The following TH variants were observed in gnomAD, a reference collection of about 807,000 sequenced individuals.
TH encodes the protein tyrosine hydroxylase.
A neutral mutation model predicts 57.4 loss-of-function variants in TH; 49 were observed. That is an observed-to-expected ratio of 0.85 (90% CI 0.68 to 1.08). The LOEUF (loss-of-function observed/expected upper bound fraction) is 1.08. Among genes scored for constraint, TH ranks in the 50% least tolerant of loss-of-function variants. TH has a pLI of 0.00. For synonymous variants in TH, 330 were observed against 304.5 expected (o/e 1.08, Z -0.87); for missense variants, 720 against 696.7 (o/e 1.03, Z -0.38).
chr11:2,164,287 C>G lies in TH; in HGVS notation c.1440G>C (p.Glu480Asp). The change falls in exon 13 of 13, where the codon GAG (glutamate) becomes GAC (aspartate). Residue 480 changes from glutamate (E) to aspartate (D), a missense_variant. Transcript: ENST00000352909. ...GGGTGTCCAGCTCATCCTGGACACC[C>G]TCCAGGGAGCGCCGCACGGCCTGGG... ...DSPQAVRRSL[E>D]GVQDELDTLA... The G allele has an allele frequency of 6.6e-7, 1 of 1,510,942 alleles. No homozygotes were observed. The highest frequency in any genetic ancestry group is 8.9e-7 in the Non-Finnish European group (1 of 1,126,500). 93.6% of individuals were successfully genotyped at this position (1,510,942 alleles called of 1,614,324 possible).
Position 2,169,855 on chromosome 11 carries a change from C to G in TH, c.107G>C (p.Gly36Ala), listed in dbSNP as rs1358506695. The change falls in exon 2 of 13, where the codon GGG becomes GCG. Residue 36 changes from glycine to alanine, a missense_variant. Physicochemically the swap from Gly to Ala is moderately conservative, Grantham distance 60 (BLOSUM62 0). Coordinates refer to ENST00000352909, the MANE Select transcript of TH (RefSeq NM_000360.4). ...AEAIMSPRFIGRRQSLIEDAR... is the reference protein window; with the variant it reads ...AEAIMSPRFIARRQSLIEDAR... ...GTCCTCGATGAGGCTCTGCCTGCGC[C>G]CAATGAACCGCGGGGACTGTGGGGA... is the stretch of plus-strand genomic sequence containing the variant. 1 of 1,610,070 alleles carries G rather than the reference C, an allele frequency of 6.2e-7. No individual in the cohort carries two copies. Among genetic ancestry groups the G allele is most frequent in the Non-Finnish European group, 8.5e-7 (1 of 1,179,540 alleles).
chr11:2,166,162 C>T, intron 9 of TH, 104 bp from the exon 10 acceptor site: 3 of 1,348,206 alleles, frequency 2.2e-6, no homozygotes, highest in Admixed American at 3.9e-5. Context: ...CTCTGGGACA[C>T]TTCCCTGGCG....
Position 2,171,625 on chromosome 11 carries a change from T to C in TH, c.90+72A>G. 4 of 1,537,396 alleles carry C rather than the reference T, an allele frequency of 2.6e-6. No individual in the cohort carries two copies. The highest frequency in any genetic ancestry group is 3.6e-6 in the Non-Finnish European group (4 of 1,124,300). ...TGGGGCTGCCAGCCAGGCTGGGGAG[T>C]AGCAGAGGCAGCTGGCACCAGCCCT... On this transcript the variant is annotated intron_variant, in intron 1 of 12. Transcript: ENST00000352909. The surrounding 1 kb of genome is among the most constrained non-coding windows in gnomAD (Gnocchi z 8.6).
At position 2,166,064 on chromosome 11, in the gene TH, G is replaced by A. The variant is rs1407525113; in HGVS notation, c.1048-6C>T. 1.9e-6 allele frequency: 3 copies of A among 1,553,542 alleles called. No individual in the cohort carries two copies. The highest frequency in any genetic ancestry group is 1.7e-6 in the Non-Finnish European group (2 of 1,148,212). On this transcript the variant is annotated splice_polypyrimidine_tract_variant and splice_region_variant and intron_variant, in intron 9 of 12. Transcript: ENST00000352909. ...AGGGACGCCAGGCCAATGTCCTGTGGAGCAGGGAGGATGAAGGATGGGGAG... is the reference window on the plus strand; with the variant it reads ...AGGGACGCCAGGCCAATGTCCTGTGAAGCAGGGAGGATGAAGGATGGGGAG...
In TH at chr11:2,170,168, G is replaced by A. The variant is rs1590171766; in HGVS notation, c.91-297C>T. 6.6e-6 allele frequency among the ~76,000 whole-genome samples: 1 copy of A among 152,134 alleles called. No homozygotes were observed. The highest frequency in any genetic ancestry group is 2.1e-4 in the South Asian group (1 of 4,826). The stretch of plus-strand genomic sequence containing the variant: ...CTGTGGCGAGCAGACAGACAGAGAC[G>A]CTGTGTCACTCATCCCCAGGCCAGG... On this transcript the variant is annotated intron_variant, in intron 1 of 12. Coordinates refer to ENST00000352909, the MANE Select transcript of TH (RefSeq NM_000360.4). This position sits in a 1 kb window ranked among gnomAD's most constrained non-coding sequence, Gnocchi z 6.0.
rs909047532 is a variant in TH, at chr11:2,170,981, AC to A, written c.90+715del. The stretch of plus-strand genomic sequence containing the variant: ...CTGAGTGCCCAAGGAGGCACCGAAG[AC>A]CCCTCCTGTGGGCTGAAAAGCTCCC... On this transcript the variant is annotated intron_variant, in intron 1 of 12. Coordinates refer to ENST00000352909, the MANE Select transcript of TH (RefSeq NM_000360.4). The surrounding 1 kb of genome is among the most constrained non-coding windows in gnomAD (Gnocchi z 6.0). Among the ~76,000 whole-genome samples the A allele has an allele frequency of 4.6e-5, 7 of 151,104 alleles. No homozygotes were observed. The highest frequency in any genetic ancestry group is 1.7e-4 in the African/African-American group (7 of 40,980).
Position 2,166,966 on chromosome 11 carries a change from G to A in TH, c.762C>T (p.Ala254=), listed in dbSNP as rs1356860174. 1.3e-6 allele frequency: 2 copies of A among 1,594,990 alleles called. No individual in the cohort carries two copies. The highest frequency in any genetic ancestry group is 1.7e-5 in the Admixed American group (1 of 57,504). ...ATHACGEHLE[A]FALLERFSGY... ...CGCTGAAGCGCTCCAGCAAAGCAAAGGCCTCCAGGTGCTCCCCGCAGGCGT... is the reference window on the plus strand; with the variant it reads ...CGCTGAAGCGCTCCAGCAAAGCAAAAGCCTCCAGGTGCTCCCCGCAGGCGT... The change falls in exon 7 of 13, where the codon GCC becomes GCT. Residue 254 remains alanine, a synonymous_variant. Coordinates refer to ENST00000352909, the MANE Select transcript of TH (RefSeq NM_000360.4).
chr11:2,168,776 C>T (rs1846173838), intron 2 of TH, 111 bp from the exon 3 acceptor site: 2 of 1,322,374 alleles, frequency 1.5e-6, no homozygotes, highest in South Asian at 1.3e-5. Context: ...CAGGCCCTGC[C>T]CTTGACTTTT....
At chr11:2,164,570 G>A (rs1846032390) in intron 12 of TH, among the ~76,000 whole-genome samples, 178 bp from the exon 13 acceptor site, 1 of 152,110 alleles carries the variant, frequency 6.6e-6, no homozygotes, top group Non-Finnish European at 1.5e-5. Context: ...GGGTGAGGGG[G>A]TTCATGGGGG....
intron 2 of TH, 85 bp from the exon 3 acceptor site, chr11:2,168,750 C>T (rs553838059): frequency 9.0e-7 from 1 of 1,116,036 alleles, no homozygotes; most frequent in South Asian, 1.3e-5. Flanking sequence ...GGAGGAGGCA[C>T]ATCTGGCTGG....
Position 2,170,167 on chromosome 11 carries a change from C to T in TH, c.91-296G>A, listed in dbSNP as rs1846215524. Among the ~76,000 whole-genome samples, 2 of 152,126 alleles carry T rather than the reference C, an allele frequency of 1.3e-5. No homozygotes were observed. The highest frequency in any genetic ancestry group is 4.1e-4 in the South Asian group (2 of 4,834). On this transcript the variant is annotated intron_variant, in intron 1 of 12. Coordinates refer to ENST00000352909, the MANE Select transcript of TH (RefSeq NM_000360.4). The surrounding 1 kb of genome is among the most constrained non-coding windows in gnomAD (Gnocchi z 6.0). ...TCTGTGGCGAGCAGACAGACAGAGA[C>T]GCTGTGTCACTCATCCCCAGGCCAG...
chr11:2,169,950 G>T, intron 1 of TH, 79 bp from the exon 2 acceptor site: 1 of 1,403,840 alleles, frequency 7.1e-7, no homozygotes, highest in East Asian at 2.5e-5. Flanking sequence ...TCCCACAGTC[G>T]GGCAGCGCTG....
intron 11 of TH, 99 bp downstream of exon 11, chr11:2,165,569 C>T: frequency 7.2e-7 from 1 of 1,397,594 alleles, no homozygotes; most frequent in African/African-American, 1.4e-5. Flanking sequence ...TCCTGGAGGT[C>T]CAGGCCTCAG....
In TH at chr11:2,167,062, A is replaced by G. The variant is rs1462779021; in HGVS notation, c.696-30T>C. The stretch of plus-strand genomic sequence containing the variant: ...GGGCAGCCAGGCTCAGGGCCCTCTA[A>G]TGCCCCACCCCAGTGCCCGAAACCC... On this transcript the variant is annotated intron_variant, in intron 6 of 12. Transcript: ENST00000352909. 1.9e-6 allele frequency: 3 copies of G among 1,563,652 alleles called. No homozygotes were observed. The East Asian group carries it at 7.1e-5, about 37-fold the overall frequency.
At chr11:2,164,414 C>G in intron 12 of TH, 22 bp from the exon 13 acceptor site, 1 of 1,541,132 alleles carries the variant, frequency 6.5e-7, no homozygotes, top group Non-Finnish European at 8.7e-7. Flanking sequence ...AGCGGCAGAG[C>G]CCTCGTCAAC....
chr11:2,167,017 G>C lies in TH; in HGVS notation c.711C>G (p.Thr237=). 3.2e-6 allele frequency: 5 copies of C among 1,584,862 alleles called. No individual in the cohort carries two copies. Among genetic ancestry groups the C allele is most frequent in the Non-Finnish European group, 4.3e-6 (5 of 1,165,720 alleles). ...GCGTGGCGTAGAGGCCCTTCAGCGT[G>C]GTGTAGACCTCCTTCCTGCGGGCAG... ...EEIATWKEVY[T]TLKGLYATHA... Residue 237 remains threonine (T), a synonymous_variant, in exon 7 of 13, where the codon ACC becomes ACG. Transcript: ENST00000352909.
rs191712999 is a variant in TH at position 2,167,851 on chromosome 11, G to A, written c.644+15C>T. 8.1e-5 allele frequency: 129 copies of A among 1,593,414 alleles called. No homozygotes were observed. The Admixed American group carries it at 1.7e-3, about 22-fold the overall frequency. Reference sequence around the variant, plus strand: ...GCAGGACGGAGTCTGGGTCCCGAGCGCAGGGGCCCCTCACTGCCTGTACTG... The same window carrying A: ...GCAGGACGGAGTCTGGGTCCCGAGCACAGGGGCCCCTCACTGCCTGTACTG... On this transcript the variant is annotated intron_variant, in intron 5 of 12. Coordinates refer to ENST00000352909, the MANE Select transcript of TH (RefSeq NM_000360.4).
rs1846138496 is a variant in TH at position 2,167,753 on chromosome 11, G to A, written c.644+113C>T. ...CTGGAGCAGAGCTGCCTGGCAGGAGGCACTGATGCTGGTGACAAGATGGGT... is the reference window on the plus strand; with the variant it reads ...CTGGAGCAGAGCTGCCTGGCAGGAGACACTGATGCTGGTGACAAGATGGGT... On this transcript the variant is annotated intron_variant, in intron 5 of 12. Coordinates refer to ENST00000352909, the MANE Select transcript of TH (RefSeq NM_000360.4). 4 of 1,307,232 alleles carry A rather than the reference G, an allele frequency of 3.1e-6. 1 individual carries two copies. In the South Asian group the frequency reaches 5.0e-5, roughly 16 times the overall value. The allele number at this position is 1,307,232 out of a possible 1,614,324, so 81.0% of individuals were successfully genotyped here.
Position 2,168,596 on chromosome 11 carries a change from G to A in TH, c.382C>T (p.Leu128=), listed in dbSNP as rs2133697620. Residue 128 remains leucine (L), a synonymous_variant, in exon 3 of 13, where the codon CTG becomes TTG. Transcript: ENST00000352909. ...ACCTCGAGGCGCACGAAGTACTCCA[G>A]GTGGGGGCCCCCAGCTCGCGGCCTC... ...AQRPRAGGPH[L]EYFVRLEVRR... is the part of the protein sequence containing the mutation. The A allele has an allele frequency of 1.2e-6, 2 of 1,611,974 alleles. No individual in the cohort carries two copies. The highest frequency in any genetic ancestry group is 1.7e-6 in the Non-Finnish European group (2 of 1,179,728).
Sources: gnomAD v4.1 joint callset for allele counts (sites outside exome capture counted in the v4.1 genomes callset) on GRCh38, gnomAD v4.1.1 for gene constraint, Gnocchi (gnomAD v3.1) non-coding constraint, MANE v1.5 for transcripts, NCBI Gene and HGNC (gene_info 2026-07-23, HGNC 2026-07-21) for gene names.